The following LRP1B variants were observed in gnomAD, a reference collection of about 807,000 sequenced individuals.
The protein encoded by LRP1B is LDL receptor related protein 1B, also known as low-density lipoprotein receptor-related protein 1B.
In LRP1B, 217 loss-of-function variants were observed where a neutral mutation model predicts 556.6. The ratio of observed to expected loss-of-function variants is 0.39; its 90% CI spans 0.35 to 0.44. The LOEUF (loss-of-function observed/expected upper bound fraction) is 0.44. Among genes scored for constraint, LRP1B ranks in the 20% least tolerant of loss-of-function variants. The pLI, the probability that LRP1B is intolerant of heterozygous loss-of-function variation, is 1.00. For missense variants in LRP1B, 5,053 were observed against 5,620.8 expected, an observed-to-expected ratio of 0.90 and a Z score of 3.23; for synonymous variants, 2,047 against 1,865.8, an observed-to-expected ratio of 1.10 and a Z score of -2.50.
rs1695516932 is a variant in LRP1B, at chr2:141,788,941, T to A, written c.205+21338A>T. On this transcript the variant is annotated intron_variant, in intron 2 of 90. Coordinates refer to ENST00000389484, the MANE Select transcript of LRP1B (RefSeq NM_018557.3). ...ATTTTCTTAATCCAGTCTATCATTGTTGGACATTTGGTTCCAAGTCTTTGC... is the reference window on the plus strand; with the variant it reads ...ATTTTCTTAATCCAGTCTATCATTGATGGACATTTGGTTCCAAGTCTTTGC... Among the ~76,000 whole-genome samples, 4 of 152,172 alleles carry A rather than the reference T, an allele frequency of 2.6e-5. No individual in the cohort carries two copies. In the East Asian group the frequency reaches 7.7e-4, roughly 29 times the overall value.
chr2:141,597,463 C>A (rs1360161519), intron 2 of LRP1B, among the ~76,000 whole-genome samples: 2 of 152,018 alleles, frequency 1.3e-5, no homozygotes, highest in Non-Finnish European at 2.9e-5. Context: ...TTCAATTTGC[C>A]CTTCACCTTC....
chr2:141,857,984 T>G lies in LRP1B; in HGVS notation c.83-47583A>C, dbSNP rs548068151. On this transcript the variant is annotated intron_variant, in intron 1 of 90. Transcript: ENST00000389484. Reference sequence around the variant, plus strand: ...AAATGATTACCTGTACCTGGATTATTTGTACTAAAGATGCTAGAATAGAAA... The same window carrying G: ...AAATGATTACCTGTACCTGGATTATGTGTACTAAAGATGCTAGAATAGAAA... Among the ~76,000 whole-genome samples the G allele has an allele frequency of 3.3e-5, 5 of 152,316 alleles. No individual in the cohort carries two copies. In the South Asian group the frequency reaches 8.3e-4, roughly 25 times the overall value.
At position 140,868,134 on chromosome 2, in the gene LRP1B, G is replaced by A; in HGVS notation, c.4299C>T (p.Asp1433=). 1 of 1,607,724 alleles carries A rather than the reference G, an allele frequency of 6.2e-7. No individual in the cohort carries two copies. The highest frequency in any genetic ancestry group is 8.5e-7 in the Non-Finnish European group (1 of 1,177,412). ...TGAWPNGLTV[D]HFEKRIVWTD... is the part of the protein sequence containing the mutation. ...TCCACACTATCCTTTTCTCAAAGTGGTCCACAGTTAGTCCATTAGGCCAAG... is the reference window on the plus strand; with the variant it reads ...TCCACACTATCCTTTTCTCAAAGTGATCCACAGTTAGTCCATTAGGCCAAG... The change falls in exon 26 of 91, where the codon GAC becomes GAT. Residue 1433 remains aspartate, a synonymous_variant. Transcript: ENST00000389484.
At chr2:140,433,270 G>C (rs1290597889) in intron 66 of LRP1B, among the ~76,000 whole-genome samples, 1 of 152,034 alleles carries the variant, frequency 6.6e-6, no homozygotes, top group Non-Finnish European at 1.5e-5. Flanking sequence ...GCGAATTTTT[G>C]TATTTTTAGT....
intron 77 of LRP1B, among the ~76,000 whole-genome samples, chr2:140,345,821 T>C (rs1180376896): frequency 7.1e-6 from 1 of 141,126 alleles, no homozygotes; most frequent in Non-Finnish European, 1.5e-5. Flanking sequence ...TATATATACA[T>C]ATATACATAT....
At chr2:141,869,319 C>T (rs1698509280) in intron 1 of LRP1B, among the ~76,000 whole-genome samples, 2 of 151,882 alleles carry the variant, frequency 1.3e-5, no homozygotes, top group Admixed American at 6.6e-5. Flanking sequence ...GTGGCTACTA[C>T]ATTGGATGGT....
chr2:141,208,840 A>T (rs1001863569), intron 6 of LRP1B, among the ~76,000 whole-genome samples: 1 of 127,928 alleles, frequency 7.8e-6, no homozygotes, highest in African/African-American at 2.9e-5. Context: ...CTGCACTCCA[A>T]CCTGGGCAAT....
rs555439493 is a variant in LRP1B, at chr2:141,207,584, T to C, written c.851-19001A>G. Among the ~76,000 whole-genome samples, 134 of 152,340 alleles carry C rather than the reference T, an allele frequency of 8.8e-4. 1 individual carries two copies. The highest frequency in any genetic ancestry group is 3.4e-3 in the Middle Eastern group (1 of 294). On this transcript the variant is annotated intron_variant, in intron 6 of 90. Coordinates refer to ENST00000389484, the MANE Select transcript of LRP1B (RefSeq NM_018557.3). The stretch of plus-strand genomic sequence containing the variant: ...TCTAAAATAGAAGCTTCTTTAGTTA[T>C]GGAAATAATATTTTGTGTGTGTGAA...
At chr2:141,793,195 G>T (rs1173504769) in intron 2 of LRP1B, among the ~76,000 whole-genome samples, 1 of 151,770 alleles carries the variant, frequency 6.6e-6, no homozygotes, top group Non-Finnish European at 1.5e-5. Flanking sequence ...TAATGAAATC[G>T]CTAAATACTT....
intron 35 of LRP1B, among the ~76,000 whole-genome samples, chr2:140,761,308 G>A (rs1201182096): frequency 6.6e-6 from 1 of 152,178 alleles, no homozygotes; most frequent in East Asian, 1.9e-4. Flanking sequence ...AGAAAATAAT[G>A]TGTGGGAATA....
At chr2:140,476,981 T>A (rs996807815) in intron 59 of LRP1B, among the ~76,000 whole-genome samples, 2 of 152,058 alleles carry the variant, frequency 1.3e-5, no homozygotes, top group African/African-American at 4.8e-5. Flanking sequence ...CTATGCTTTT[T>A]AAAATCTTGA....
At chr2:141,806,342 A>T (rs1696167313) in intron 2 of LRP1B, among the ~76,000 whole-genome samples, 2 of 152,156 alleles carry the variant, frequency 1.3e-5, no homozygotes, top group South Asian at 4.1e-4. Context: ...AAAGATGGTG[A>T]TTTCCCTGAT....
At chr2:142,004,383 C>T (rs1303282282) in intron 1 of LRP1B, among the ~76,000 whole-genome samples, 1 of 151,134 alleles carries the variant, frequency 6.6e-6, no homozygotes, top group Non-Finnish European at 1.5e-5. Context: ...GGTAACAAGG[C>T]TAGAGTAGAG....
intron 2 of LRP1B, among the ~76,000 whole-genome samples, chr2:141,595,208 T>C (rs752358979): frequency 5.9e-5 from 9 of 152,218 alleles, no homozygotes; most frequent in Non-Finnish European, 1.3e-4. Context: ...TGAAGTTAAA[T>C]GTTGCTTTGT....
intron 1 of LRP1B, among the ~76,000 whole-genome samples, chr2:141,929,164 G>A (rs563368350): frequency 6.6e-6 from 1 of 152,146 alleles, no homozygotes; most frequent in East Asian, 1.9e-4. Flanking sequence ...AAATGCTCCA[G>A]AGACACTCAC....
At chr2:140,279,099 TTCTC>T (rs1387039573) in intron 84 of LRP1B, among the ~76,000 whole-genome samples, 1 of 151,918 alleles carries the variant, frequency 6.6e-6, no homozygotes, top group South Asian at 2.1e-4. Flanking sequence ...CTCTCTCTCT[TTCTC>T]TCTTTCTTTC....
chr2:140,857,501 A>G (rs1451119959), intron 27 of LRP1B, among the ~76,000 whole-genome samples: 2 of 152,170 alleles, frequency 1.3e-5, no homozygotes, highest in African/African-American at 4.8e-5. Context: ...TGATAAGTTT[A>G]ACATTTCACA....
chr2:140,788,955 A>G (rs2104980917), intron 32 of LRP1B, among the ~76,000 whole-genome samples: 1 of 152,352 alleles, frequency 6.6e-6, no homozygotes, highest in African/African-American at 2.4e-5. Flanking sequence ...AAAGGTGCCC[A>G]TCTGCTAGCC....
At chr2:141,167,541 A>G (rs868316739) in intron 7 of LRP1B, among the ~76,000 whole-genome samples, 1 of 151,982 alleles carries the variant, frequency 6.6e-6, no homozygotes, top group Middle Eastern at 3.4e-3. Context: ...AATATAAGAT[A>G]GTCATCAACT....
Sources: allele counts gnomAD v4.1 joint callset (sites outside exome capture counted in the v4.1 genomes callset), GRCh38; gene constraint gnomAD v4.1.1; transcripts MANE v1.5; gene names NCBI Gene and HGNC (gene_info 2026-07-23, HGNC 2026-07-21).